Variants in MUCL3 observed in about 807,000 individuals in gnomAD.
MUCL3 encodes mucin-like protein 3.
MUCL3 carries 42 observed loss-of-function variants against 70.2 expected under a neutral mutation model. That is an observed-to-expected ratio of 0.60 (90% confidence interval 0.47 to 0.77). MUCL3 has a LOEUF of 0.77. Ranked by LOEUF, MUCL3 falls within the 30% of genes least tolerant of loss-of-function variation. The probability of loss-of-function intolerance (pLI) is 0.00; values close to 1 mark genes in which losing one functional copy is unlikely to be tolerated. For synonymous variants in MUCL3, 522 were observed against 647.0 expected, an observed-to-expected ratio of 0.81 and a Z score of 2.93; for missense variants, 1,429 against 1,670.0, an observed-to-expected ratio of 0.86 and a Z score of 2.52.
Position 30,952,504 on chromosome 6 carries a change from G to A in MUCL3, c.4035+5G>A, listed in dbSNP as rs1438517573. 1.3e-6 allele frequency: 2 copies of A among 1,585,072 alleles called. No individual in the cohort carries two copies. Among genetic ancestry groups the A allele is most frequent in the Non-Finnish European group, 1.7e-6 (2 of 1,167,390 alleles). On this transcript the variant is annotated splice_donor_5th_base_variant and intron_variant, in intron 2 of 2. Coordinates refer to ENST00000462446, the MANE Select transcript of MUCL3 (RefSeq NM_080870.4). ...TTCCTTGGCCTGATCTTCTTGGTAA[G>A]GGACAGATGTGCCCCACAGAAATCA... is the stretch of plus-strand genomic sequence containing the variant.
Position 30,951,985 on chromosome 6 carries a change from C to G in MUCL3, c.3521C>G (p.Thr1174Arg), listed in dbSNP as rs776515157. 3 of 1,612,614 alleles carry G rather than the reference C, an allele frequency of 1.9e-6. No individual in the cohort carries two copies. The highest frequency in any genetic ancestry group is 2.5e-6 in the Non-Finnish European group (3 of 1,179,846). Reference protein sequence around the residue: ...EKSTEHPEKTTSTTEKTTRTP... With the variant: ...EKSTEHPEKTRSTTEKTTRTP... ...TCCACAGAACACCCAGAAAAGACCACGTCAACCACAGAGAAAACCACAAGA... is the reference window on the plus strand; with the variant it reads ...TCCACAGAACACCCAGAAAAGACCAGGTCAACCACAGAGAAAACCACAAGA... Residue 1174 changes from threonine (T) to arginine (R), a missense_variant, in exon 2 of 3, where the codon ACG becomes AGG. Coordinates refer to ENST00000462446, the MANE Select transcript of MUCL3 (RefSeq NM_080870.4).
chr6:30,948,692 A>T lies in MUCL3; in HGVS notation c.228A>T (p.Lys76Asn), dbSNP rs754810615. 7.7e-6 allele frequency: 12 copies of T among 1,551,546 alleles called. No individual in the cohort carries two copies. In the South Asian group the frequency reaches 9.5e-5, roughly 12 times the overall value. ...HSGQRPPELPKSTEIHEQKRH... is the reference protein window; with the variant it reads ...HSGQRPPELPNSTEIHEQKRH... ...GACAAAGACCTCCAGAGCTCCCTAA[A>T]TCTACAGAAATCCATGAGCAAAAAC... Residue 76 changes from lysine (K) to asparagine (N), a missense_variant, in exon 2 of 3, where the codon AAA becomes AAT. Lys to Asn is a moderately conservative substitution (Grantham distance 94). Transcript: ENST00000462446.
Position 30,950,708 on chromosome 6 carries a change from C to T in MUCL3, c.2244C>T (p.Ala748=), listed in dbSNP as rs1760619538. The change falls in exon 2 of 3, where the codon GCC becomes GCT. Residue 748 remains alanine, a synonymous_variant. Coordinates refer to ENST00000462446, the MANE Select transcript of MUCL3 (RefSeq NM_080870.4). ...AEPTENRERT[A]NENTTPSPAQ... ...CTACAGAAAATAGAGAAAGGACAGCCAATGAGAACACCACACCATCCCCAG... is the reference window on the plus strand; with the variant it reads ...CTACAGAAAATAGAGAAAGGACAGCTAATGAGAACACCACACCATCCCCAG... The T allele has an allele frequency of 1.9e-6, 3 of 1,548,726 alleles. No individual in the cohort carries two copies. The highest frequency in any genetic ancestry group is 4.0e-5 in the Admixed American group (2 of 50,626).
At chr6:30,944,130 CA>C (rs1795690527) in intron 1 of MUCL3, among the ~76,000 whole-genome samples, 1 of 152,194 alleles carries the variant, frequency 6.6e-6, no homozygotes, top group Non-Finnish European at 1.5e-5. Context: ...TCTTTTGGGA[CA>C]GCGTGCCCTG....
intron 1 of MUCL3, among the ~76,000 whole-genome samples, chr6:30,943,502 C>T (rs146281068): frequency 3.3e-5 from 5 of 150,768 alleles, no homozygotes; most frequent in South Asian, 2.1e-4. Flanking sequence ...GAGGCTCAAG[C>T]GCAGTCTAGA....
In MUCL3 at chr6:30,951,576, C is replaced by T. The variant is rs778691162; in HGVS notation, c.3112C>T (p.Pro1038Ser). ...AGCCAATGAGAAGACCATACCATCTCCAGCAAAGCCTACAGAACACGAAGA... is the reference window on the plus strand; with the variant it reads ...AGCCAATGAGAAGACCATACCATCTTCAGCAAAGCCTACAGAACACGAAGA... ...PSANEKTIPSPAKPTEHEEMT... is the reference protein window; with the variant it reads ...PSANEKTIPSSAKPTEHEEMT... Residue 1038 changes from proline (P) to serine (S), a missense_variant, in exon 2 of 3, where the codon CCA becomes TCA. Coordinates refer to ENST00000462446, the MANE Select transcript of MUCL3 (RefSeq NM_080870.4). The T allele has an allele frequency of 6.5e-7, 1 of 1,549,402 alleles. No homozygotes were observed. The highest frequency in any genetic ancestry group is 1.4e-5 in the African/African-American group (1 of 72,288).
chr6:30,953,139 C>T lies in MUCL3; in HGVS notation c.*22C>T, dbSNP rs748721591. ...GTGATCTTGGAGTAGGCGCCCAGCC[C>T]TGGCTCTTCCATGCTCTGCCCCTTT... On this transcript the variant is annotated 3_prime_UTR_variant, in exon 3 of 3. Coordinates refer to ENST00000462446, the MANE Select transcript of MUCL3 (RefSeq NM_080870.4). 1 of 1,612,540 alleles carries T rather than the reference C, an allele frequency of 6.2e-7. No individual in the cohort carries two copies. Among genetic ancestry groups the T allele is most frequent in the Non-Finnish European group, 8.5e-7 (1 of 1,179,646 alleles).
chr6:30,952,394 C>G lies in MUCL3; in HGVS notation c.3930C>G (p.His1310Gln). 1 of 1,614,158 alleles carries G rather than the reference C, an allele frequency of 6.2e-7. No individual in the cohort carries two copies. The highest frequency in any genetic ancestry group is 8.5e-7 in the Non-Finnish European group (1 of 1,180,038). Residue 1310 changes from histidine (H) to glutamine (Q), a missense_variant, in exon 2 of 3, where the codon CAC (histidine) becomes CAG (glutamine). Physicochemically the swap from His to Gln is conservative, Grantham distance 24. Coordinates refer to ENST00000462446, the MANE Select transcript of MUCL3 (RefSeq NM_080870.4). ...AAGATGGCTCACAGAAAGGTATCCA[C>G]GCTGGACAGATGGGAGAGAATGATT... ...LNKDGSQKGI[H>Q]AGQMGENDSF... is the part of the protein sequence containing the mutation.
Position 30,951,736 on chromosome 6 carries a change from C to T in MUCL3, c.3272C>T (p.Thr1091Met), listed in dbSNP as rs554144338. 21 of 1,552,144 alleles carry T rather than the reference C, an allele frequency of 1.4e-5. 1 individual carries two copies. Among genetic ancestry groups the T allele is most frequent in the Middle Eastern group, 1.7e-4 (1 of 5,992 alleles). Reference sequence around the variant, plus strand: ...CCTACAGAACATGGAGCAAAAACTACGTCGGCCAATGAGAAGATCACACCA... The same window carrying T: ...CCTACAGAACATGGAGCAAAAACTATGTCGGCCAATGAGAAGATCACACCA... ...EGPTEHGAKT[T>M]SANEKITPSL... is the part of the protein sequence containing the mutation. Residue 1091 changes from threonine to methionine, a missense_variant, in exon 2 of 3, where the codon ACG (threonine) becomes ATG (methionine). Transcript: ENST00000462446.
chr6:30,944,039 T>G (rs1795687142), intron 1 of MUCL3, among the ~76,000 whole-genome samples: 1 of 152,148 alleles, frequency 6.6e-6, no homozygotes, highest in African/African-American at 2.4e-5. Context: ...GTATAGGTAT[T>G]TTAACAAACA....
rs1168384678 is a variant in MUCL3 at position 30,940,996 on chromosome 6, C to T, written c.-4C>T. ...TGGTCCCCAAGCAGCCACCCAGCTC[C>T]GACATGGCCCAGCCGGTCCACAGCC... On this transcript the variant is annotated 5_prime_UTR_variant, in exon 1 of 3. Transcript: ENST00000462446. This position sits in a 1 kb window ranked among gnomAD's most constrained non-coding sequence, Gnocchi z 4.4. 1.8e-5 allele frequency: 28 copies of T among 1,548,862 alleles called. No individual in the cohort carries two copies. Among genetic ancestry groups the T allele is most frequent in the Non-Finnish European group, 2.1e-5 (24 of 1,146,982 alleles).
chr6:30,948,983 AG>A lies in MUCL3; in HGVS notation c.521del (p.Gly174AlafsTer5). The A allele has an allele frequency of 6.4e-7, 1 of 1,551,722 alleles. No individual in the cohort carries two copies. Among genetic ancestry groups the A allele is most frequent in the Non-Finnish European group, 8.7e-7 (1 of 1,146,998 alleles). ...SKINCRKSTT[G>X]KSTVTRKSDK... is the part of the protein sequence containing the mutation. ...AAATAAACTGTCGTAAGTCCACAAC[AG>A]GCAAATCAACGGTAACAAGAAAATC... On this transcript the variant is annotated frameshift_variant, in exon 2 of 3. Coordinates refer to ENST00000462446, the MANE Select transcript of MUCL3 (RefSeq NM_080870.4). LOFTEE classifies it high-confidence loss of function.
chr6:30,953,589 G>C lies in MUCL3; in HGVS notation c.*472G>C, dbSNP rs2150627932. On this transcript the variant is annotated 3_prime_UTR_variant, in exon 3 of 3. Transcript: ENST00000462446. ...TTACTTAAGAGTTTGTGTGTAAACA[G>C]GCTCATCTCTGAGTTCTCAGGACCC... is the stretch of plus-strand genomic sequence containing the variant. 1 of 154,574 alleles carries C rather than the reference G, an allele frequency of 6.5e-6. No homozygotes were observed. The highest frequency in any genetic ancestry group is 2.4e-5 in the African/African-American group (1 of 41,316). The allele number at this position is 154,574 out of a possible 1,614,324, so 9.6% of individuals were successfully genotyped here.
chr6:30,941,597 T>C (rs1400875541), intron 1 of MUCL3, among the ~76,000 whole-genome samples: 1 of 142,266 alleles, frequency 7.0e-6, no homozygotes, highest in East Asian at 2.0e-4. Context: ...GTAACTGGGA[T>C]TACAGGCACC....
chr6:30,952,085 G>A lies in MUCL3; in HGVS notation c.3621G>A (p.Lys1207=), dbSNP rs1760737085. 1 of 1,607,446 alleles carries A rather than the reference G, an allele frequency of 6.2e-7. No homozygotes were observed. Among genetic ancestry groups the A allele is most frequent in the East Asian group, 2.2e-5 (1 of 44,824 alleles). The part of the protein sequence containing the change: ...TKGKNTPVPE[K]PTENLGNTTL... ...GGAAAAACACACCAGTCCCAGAAAA[G>A]CCTACAGAAAACCTGGGGAACACCA... The change falls in exon 2 of 3, where the codon AAG becomes AAA. Residue 1207 remains lysine, a synonymous_variant. Transcript: ENST00000462446.
rs189579640 is a variant in MUCL3 at position 30,947,429 on chromosome 6, T to A, written c.83-1118T>A. ...GTGGTTTCTTGTGATTGGGAATAGG[T>A]CCAGGTTCCGGTTGCCGCCTTGAGC... On this transcript the variant is annotated intron_variant, in intron 1 of 2. Transcript: ENST00000462446. Among the ~76,000 whole-genome samples the A allele has an allele frequency of 2.4e-3, 362 of 152,236 alleles. 5 individuals are homozygous for A. Among genetic ancestry groups the A allele is most frequent in the African/African-American group, 6.1e-3 (255 of 41,526 alleles).
intron 1 of MUCL3, among the ~76,000 whole-genome samples, chr6:30,942,375 C>T (rs1488750822): frequency 6.6e-6 from 1 of 152,128 alleles, no homozygotes; most frequent in African/African-American, 2.4e-5. Flanking sequence ...AGGGTCTCCA[C>T]AAGGCAGATG....
rs868580749 is a variant in MUCL3, at chr6:30,951,697, T to C, written c.3233T>C (p.Leu1078Pro). 1.0e-5 allele frequency: 16 copies of C among 1,547,536 alleles called. No homozygotes were observed. The highest frequency in any genetic ancestry group is 1.7e-4 in the Middle Eastern group (1 of 5,980). Residue 1078 changes from leucine (L) to proline (P), a missense_variant, in exon 2 of 3, where the codon CTA becomes CCA. Coordinates refer to ENST00000462446, the MANE Select transcript of MUCL3 (RefSeq NM_080870.4). ...KTTLANEKIT[L>P]SPEGPTEHGA... ...ACATTGGCCAATGAGAAGATCACAC[T>C]ATCCCCAGAAGGGCCTACAGAACAT...
At position 30,950,762 on chromosome 6, in the gene MUCL3, T is replaced by C. The variant is rs1582263474; in HGVS notation, c.2298T>C (p.Thr766=). ...PAQPTENGDR[T]PLANEKTTPS... ...AGCCTACAGAAAATGGAGACAGGACTCCATTGGCCAATGAGAAGACCACAC... is the reference window on the plus strand; with the variant it reads ...AGCCTACAGAAAATGGAGACAGGACCCCATTGGCCAATGAGAAGACCACAC... The change falls in exon 2 of 3, where the codon ACT becomes ACC. Residue 766 remains threonine (T), a synonymous_variant. Transcript: ENST00000462446. 2 of 1,505,644 alleles carry C rather than the reference T, an allele frequency of 1.3e-6. No homozygotes were observed. Among genetic ancestry groups the C allele is most frequent in the African/African-American group, 1.7e-5 (1 of 59,050 alleles). The allele number at this position is 1,505,644 out of a possible 1,614,324, so 93.3% of individuals were successfully genotyped here. A position where few individuals can be genotyped will look rare whatever the true frequency, so the allele number is the denominator to read the frequency against.
Sources: gnomAD v4.1 joint callset for allele counts (sites outside exome capture counted in the v4.1 genomes callset) on GRCh38, gnomAD v4.1.1 for gene constraint, Gnocchi (gnomAD v3.1) non-coding constraint, MANE v1.5 for transcripts, NCBI Gene and HGNC (gene_info 2026-07-23, HGNC 2026-07-21) for gene names.